The following SYNDIG1 variants were observed in gnomAD, a reference collection of about 807,000 sequenced individuals.
SYNDIG1 encodes the protein synapse differentiation-inducing gene protein 1.
A neutral mutation model predicts 19.4 loss-of-function variants in SYNDIG1; 9 were observed. That is an observed-to-expected ratio of 0.46 (90% CI 0.28 to 0.81). The LOEUF is 0.81. Among genes scored for constraint, SYNDIG1 ranks in the 30% least tolerant of loss-of-function variants. The pLI, the probability that SYNDIG1 is intolerant of heterozygous loss-of-function variation, is 0.12. For missense variants in SYNDIG1, 311 were observed against 343.3 expected (o/e 0.91, Z 0.74); for synonymous variants, 141 against 145.9 (o/e 0.97, Z 0.24).
chr20:24,580,822 C>T (rs999573623), intron 2 of SYNDIG1, among the ~76,000 whole-genome samples: 6 of 152,108 alleles, frequency 3.9e-5, no homozygotes, highest in Non-Finnish European at 8.8e-5. Context: ...TTAAAATCTG[C>T]GAAGACTGGA....
intron 2 of SYNDIG1, among the ~76,000 whole-genome samples, chr20:24,545,840 C>T (rs761822490): frequency 3.3e-5 from 5 of 152,170 alleles, no homozygotes; most frequent in Non-Finnish European, 5.9e-5. Context: ...GTCATAATAA[C>T]GGTGCCTACT....
At chr20:24,531,304 C>G (rs2057254222) in intron 1 of SYNDIG1, among the ~76,000 whole-genome samples, 1 of 152,074 alleles carries the variant, frequency 6.6e-6, no homozygotes, top group Admixed American at 6.6e-5. Flanking sequence ...TCCTTCCACT[C>G]TATACAGTAA....
chr20:24,596,568 A>G (rs1489816665), intron 3 of SYNDIG1, among the ~76,000 whole-genome samples: 2 of 151,622 alleles, frequency 1.3e-5, no homozygotes, highest in Non-Finnish European at 2.9e-5. Flanking sequence ...TAGTAGAGAT[A>G]GAGTTTTGCC....
chr20:24,575,818 A>T (rs951329114), intron 2 of SYNDIG1, among the ~76,000 whole-genome samples: 1 of 152,166 alleles, frequency 6.6e-6, no homozygotes, highest in African/African-American at 2.4e-5. Context: ...ACATTAATTT[A>T]TTTATTTTAG....
chr20:24,542,236 C>T (rs1205919473), intron 1 of SYNDIG1, among the ~76,000 whole-genome samples: 1 of 152,100 alleles, frequency 6.6e-6, no homozygotes, highest in Non-Finnish European at 1.5e-5. Flanking sequence ...AATTTGAGTA[C>T]ATTTTAAAAT....
chr20:24,477,414 T>G (rs1306778239), intron 1 of SYNDIG1, among the ~76,000 whole-genome samples: 3 of 152,188 alleles, frequency 2.0e-5, no homozygotes, highest in Non-Finnish European at 4.4e-5. Context: ...TCCCATTGAT[T>G]GTCTTCAGTC....
At chr20:24,508,308 A>G (rs2056654118) in intron 1 of SYNDIG1, among the ~76,000 whole-genome samples, 1 of 129,140 alleles carries the variant, frequency 7.7e-6, no homozygotes, top group Admixed American at 1.0e-4. Context: ...GGCTCACTGC[A>G]ACCTCCACCT....
intron 1 of SYNDIG1, chr20:24,495,592 T>C (rs1285110541): frequency 6.6e-6 from 1 of 152,270 alleles, no homozygotes; most frequent in African/African-American, 2.4e-5. Flanking sequence ...TGTGCATAGC[T>C]GGAACAAACA....
chr20:24,607,732 G>A (rs2058779807), intron 3 of SYNDIG1, among the ~76,000 whole-genome samples: 1 of 152,226 alleles, frequency 6.6e-6, no homozygotes, highest in South Asian at 2.1e-4. Context: ...GCCACAGTTG[G>A]AGAACCTTCT....
At chr20:24,641,259 G>A (rs140584487) in intron 3 of SYNDIG1, among the ~76,000 whole-genome samples, 248 of 152,180 alleles carry the variant, frequency 1.6e-3, no homozygotes, top group African/African-American at 5.8e-3. Flanking sequence ...AATACATTTT[G>A]GAAAAAGATG....
At chr20:24,651,572 G>T (rs2059474907) in intron 3 of SYNDIG1, among the ~76,000 whole-genome samples, 1 of 152,204 alleles carries the variant, frequency 6.6e-6, no homozygotes, top group African/African-American at 2.4e-5. Context: ...GTGCAGATTA[G>T]AAGTCTAATA....
chr20:24,499,088 G>C lies in SYNDIG1; in HGVS notation c.-79+29335G>C, dbSNP rs150315411. Among the ~76,000 whole-genome samples the C allele has an allele frequency of 4.2e-3, 644 of 152,290 alleles. 2 individuals are homozygous for C. Among genetic ancestry groups the C allele is most frequent in the South Asian group, 0.028 (135 of 4,822 alleles). ...AGTGCAGGCTGGAGTGCAGTGGCAC[G>C]ATCTCGGCTCACTGCAAACTCTGCC... On this transcript the variant is annotated intron_variant, in intron 1 of 3. Coordinates refer to ENST00000376862, the MANE Select transcript of SYNDIG1 (RefSeq NM_024893.3).
intron 1 of SYNDIG1, among the ~76,000 whole-genome samples, chr20:24,506,017 G>A (rs117691033): frequency 0.021 from 3,125 of 152,342 alleles, 42 homozygotes; most frequent in Middle Eastern, 0.041. Flanking sequence ...TCAGAGAGGA[G>A]TCACAGCAAA....
intron 3 of SYNDIG1, among the ~76,000 whole-genome samples, chr20:24,591,812 A>G (rs1245384825): frequency 2.6e-5 from 4 of 152,220 alleles, no homozygotes; most frequent in Non-Finnish European, 5.9e-5. Flanking sequence ...CCCCACCATC[A>G]ATGCCCACTT....
chr20:24,654,241 C>T (rs1027434034), intron 3 of SYNDIG1, among the ~76,000 whole-genome samples: 1 of 151,546 alleles, frequency 6.6e-6, no homozygotes, highest in Non-Finnish European at 1.5e-5. Flanking sequence ...CTTGAGAGCG[C>T]CTCTACCATG....
chr20:24,636,383 C>G (rs1164054962), intron 3 of SYNDIG1, among the ~76,000 whole-genome samples: 2 of 152,152 alleles, frequency 1.3e-5, no homozygotes, highest in Non-Finnish European at 2.9e-5. Flanking sequence ...ACAGCTCTCT[C>G]TCCTGCAGAG....
chr20:24,597,580 T>C (rs2058615490), intron 3 of SYNDIG1, among the ~76,000 whole-genome samples: 1 of 152,194 alleles, frequency 6.6e-6, no homozygotes, highest in African/African-American at 2.4e-5. Context: ...AGCTGTGTGA[T>C]GCACTCAGTG....
At chr20:24,612,674 T>C (rs1409372) in intron 3 of SYNDIG1, among the ~76,000 whole-genome samples, 95,080 of 152,140 alleles carry the variant, frequency 0.62, 29,814 homozygotes, top group Admixed American at 0.67. Context: ...CCCTCAGTCC[T>C]AGCATAGAAT....
chr20:24,565,027 A>G (rs562277492), intron 2 of SYNDIG1, among the ~76,000 whole-genome samples: 17 of 152,192 alleles, frequency 1.1e-4, no homozygotes, highest in Non-Finnish European at 8.8e-5. Flanking sequence ...GGTACCTGCT[A>G]TTGTTCACTG....
Sources: gnomAD v4.1 joint callset for allele counts (sites outside exome capture counted in the v4.1 genomes callset) on GRCh38, gnomAD v4.1.1 for gene constraint, MANE v1.5 for transcripts, NCBI Gene and HGNC (gene_info 2026-07-23, HGNC 2026-07-21) for gene names.